Variants in CCNE2 observed in about 807,000 individuals in gnomAD.
CCNE2 encodes the protein G1/S-specific cyclin-E2.
A neutral mutation model predicts 56.8 loss-of-function variants in CCNE2; 18 were observed. That is an observed-to-expected ratio of 0.32 (90% CI 0.22 to 0.47). The LOEUF is 0.47. CCNE2 is among the 20% of genes least tolerant of loss of function. The pLI is 1.00. For missense variants in CCNE2, 371 were observed against 467.1 expected (o/e 0.79, Z 1.90); for synonymous variants, 139 against 149.2 (o/e 0.93, Z 0.50).
At position 94,881,025 on chromosome 8, in the gene CCNE2, T is replaced by G. The variant is rs183676809; in HGVS notation, c.*607A>C. 7.8e-5 allele frequency: 31 copies of G among 398,560 alleles called. No individual in the cohort carries two copies. Among genetic ancestry groups the G allele is most frequent in the African/African-American group, 5.8e-4 (28 of 48,634 alleles). The allele number at this position is 398,560 out of a possible 1,614,324, so 24.7% of individuals were successfully genotyped here. On this transcript the variant is annotated 3_prime_UTR_variant, in exon 12 of 12. Transcript: ENST00000308108. ...GCCTTATTAGTTAAAAAATGTGTTA[T>G]GGCAAGGCAAATAAACTAGTTTAAA...
chr8:94,890,386 C>A, intron 6 of CCNE2, 29 bp downstream of exon 6: 7 of 1,532,642 alleles, frequency 4.6e-6, no homozygotes, highest in Non-Finnish European at 6.1e-6. Context: ...CATACAGAGA[C>A]AAAGGAAATT....
chr8:94,887,364 G>GCC (rs1278745090), intron 7 of CCNE2, among the ~76,000 whole-genome samples: 1 of 152,120 alleles, frequency 6.6e-6, no homozygotes, highest in Non-Finnish European at 1.5e-5. Context: ...AATCAGCTGG[G>GCC]CGTGGTGGCA....
At position 94,880,243 on chromosome 8, in the gene CCNE2, A is replaced by AT; in HGVS notation, c.*1388dup. ...CAAAACTTTACTTTTAAGCAGTTAA[A>AT]TTTTTTTAACTTTTATTTTTTAAAC... is the stretch of plus-strand genomic sequence containing the variant. On this transcript the variant is annotated 3_prime_UTR_variant, in exon 12 of 12. Transcript: ENST00000308108. 2 of 1,504,510 alleles carry AT rather than the reference A, an allele frequency of 1.3e-6. No individual in the cohort carries two copies. Among genetic ancestry groups the AT allele is most frequent in the Non-Finnish European group, 1.8e-6 (2 of 1,096,528 alleles). The allele number at this position is 1,504,510 out of a possible 1,614,324, so 93.2% of individuals were successfully genotyped here. A position where few individuals can be genotyped will look rare whatever the true frequency, so the allele number is the denominator to read the frequency against.
intron 9 of CCNE2, chr8:94,883,814 G>A (rs1333497227): frequency 2.2e-6 from 1 of 452,906 alleles, no homozygotes; most frequent in Non-Finnish European, 4.5e-6. Flanking sequence ...ATGGTATAGT[G>A]TAAAAGGGGT....
intron 10 of CCNE2, 32 bp downstream of exon 10, chr8:94,882,749 A>G (rs111512733): frequency 1.4e-6 from 2 of 1,404,126 alleles, no homozygotes; most frequent in South Asian, 2.3e-5. Flanking sequence ...AAGTTGTGAA[A>G]AGGTAAGAAG....
chr8:94,894,811 A>G (rs1487169621), intron 1 of CCNE2, among the ~76,000 whole-genome samples: 3 of 152,136 alleles, frequency 2.0e-5, no homozygotes, highest in Non-Finnish European at 4.4e-5. Context: ...CCAACTCCAG[A>G]TGGGAAGCGG....
Position 94,882,255 on chromosome 8 carries a change from A to G in CCNE2, c.978T>C (p.Asp326=), listed in dbSNP as rs753273433. ...LEWDSISECV[D]WMVPFVNVVK... ...CTACATTGACAAAAGGTACCATCCA[A>G]TCTACACATTCTGAAATACTGTCCC... Residue 326 remains aspartate (D), a synonymous_variant, in exon 11 of 12, where the codon GAT becomes GAC. Coordinates refer to ENST00000308108, the MANE Select transcript of CCNE2 (RefSeq NM_057749.3). 1.1e-5 allele frequency: 18 copies of G among 1,611,650 alleles called. No homozygotes were observed. The highest frequency in any genetic ancestry group is 1.1e-4 in the African/African-American group (8 of 74,848).
chr8:94,882,903 A>G lies in CCNE2; in HGVS notation c.832-11T>C, dbSNP rs373056688. 1.3e-6 allele frequency: 2 copies of G among 1,536,166 alleles called. No homozygotes were observed. Among genetic ancestry groups the G allele is most frequent in the African/African-American group, 2.7e-5 (2 of 73,396 alleles). The stretch of plus-strand genomic sequence containing the variant: ...ACACAGATCTAAAAGCTAACAGGAA[A>G]AACAAAAGTACAAGCAATTTAGGAG... On this transcript the variant is annotated splice_polypyrimidine_tract_variant and intron_variant, in intron 9 of 11. Transcript: ENST00000308108.
chr8:94,888,503 C>A (rs927830323), intron 6 of CCNE2, among the ~76,000 whole-genome samples: 1 of 151,788 alleles, frequency 6.6e-6, no homozygotes, highest in African/African-American at 2.4e-5. Flanking sequence ...TACCATTATC[C>A]CCATTTTGGA....
At chr8:94,881,865 T>C in intron 11 of CCNE2, 120 bp from the exon 12 acceptor site, 1 of 1,205,294 alleles carries the variant, frequency 8.3e-7, no homozygotes, top group Non-Finnish European at 1.2e-6. Context: ...TTTGCAAGTG[T>C]GAAGGGTCAT....
At chr8:94,892,786 C>T in intron 5 of CCNE2, 32 bp downstream of exon 5, 1 of 1,224,078 alleles carries the variant, frequency 8.2e-7, no homozygotes, top group Admixed American at 2.8e-5. Context: ...AACTTTATAT[C>T]TTTGAAATAA....
intron 5 of CCNE2, among the ~76,000 whole-genome samples, chr8:94,892,293 G>GA (rs1455647900): frequency 6.6e-6 from 1 of 152,162 alleles, no homozygotes; most frequent in African/African-American, 2.4e-5. Flanking sequence ...GGGAAAGGGG[G>GA]ATTGGTGAGT....
chr8:94,886,867 C>T (rs1817057936), intron 7 of CCNE2, among the ~76,000 whole-genome samples: 1 of 152,138 alleles, frequency 6.6e-6, no homozygotes, highest in African/African-American at 2.4e-5. Flanking sequence ...AGGTGTCTCC[C>T]ACATAGGAGA....
At position 94,881,913 on chromosome 8, in the gene CCNE2, C is replaced by CTCTT. The variant is rs1026275557; in HGVS notation, c.1102-172_1102-169dup. On this transcript the variant is annotated intron_variant, in intron 11 of 11. Transcript: ENST00000308108. ...TCTGTAACGTTATATATTTTTTAAA[C>CTCTT]TCTTTATCTAGACTGTTGGCATTGA... 42 of 899,710 alleles carry CTCTT rather than the reference C, an allele frequency of 4.7e-5. No homozygotes were observed. In the African/African-American group the frequency reaches 6.3e-4, roughly 13 times the overall value. The allele number at this position is 899,710 out of a possible 1,614,324, so 55.7% of individuals were successfully genotyped here. A position where few individuals can be genotyped will look rare whatever the true frequency, so the allele number is the denominator to read the frequency against.
intron 7 of CCNE2, 80 bp from the exon 8 acceptor site, chr8:94,885,638 C>T (rs1817009271): frequency 2.7e-6 from 2 of 736,280 alleles, no homozygotes; most frequent in Non-Finnish European, 4.4e-6. Context: ...AATGGGGTTA[C>T]ATCCCAATAA....
At position 94,882,800 on chromosome 8, in the gene CCNE2, T is replaced by C. The variant is rs1382520352; in HGVS notation, c.924A>G (p.Glu308=). 3 of 1,613,308 alleles carry C rather than the reference T, an allele frequency of 1.9e-6. No homozygotes were observed. Among genetic ancestry groups the C allele is most frequent in the Non-Finnish European group, 2.5e-6 (3 of 1,179,336 alleles). The part of the protein sequence containing the change: ...AAALCHFTSI[E]VVKKASGLEW... ...TCTTACCTGAGGCTTTCTTAACCAC[T>C]TCAATGGAGGTAAAATGGCACAAGG... The change falls in exon 10 of 12, where the codon GAA becomes GAG. Residue 308 remains glutamate (E), a synonymous_variant. Coordinates refer to ENST00000308108, the MANE Select transcript of CCNE2 (RefSeq NM_057749.3).
intron 1 of CCNE2, among the ~76,000 whole-genome samples, chr8:94,894,855 G>A (rs534901036): frequency 6.8e-4 from 104 of 152,344 alleles, no homozygotes; most frequent in Non-Finnish European, 1.4e-3. Flanking sequence ...AGGAGCTAAA[G>A]AAAGGGGAGA....
At position 94,880,818 on chromosome 8, in the gene CCNE2, T is replaced by C; in HGVS notation, c.*814A>G. ...AGAGTAGTAAAGTGACTTCCTCATATAAATAGTTTGAAAGGGTACTTAAGT... is the reference window on the plus strand; with the variant it reads ...AGAGTAGTAAAGTGACTTCCTCATACAAATAGTTTGAAAGGGTACTTAAGT... On this transcript the variant is annotated 3_prime_UTR_variant, in exon 12 of 12. Transcript: ENST00000308108. The C allele has an allele frequency of 5.0e-6, 2 of 398,614 alleles. No individual in the cohort carries two copies. The highest frequency in any genetic ancestry group is 8.9e-6 in the Non-Finnish European group (2 of 225,810). 24.7% of individuals were successfully genotyped at this position (398,614 alleles called of 1,614,324 possible). A position where few individuals can be genotyped will look rare whatever the true frequency, so the allele number is the denominator to read the frequency against.
chr8:94,882,039 A>G, intron 11 of CCNE2, 93 bp downstream of exon 11: 1 of 1,250,156 alleles, frequency 8.0e-7, no homozygotes, highest in Non-Finnish European at 1.1e-6. Context: ...CTTTCCCCTG[A>G]AACTGCCTGA....
Sources: gnomAD v4.1 joint callset for allele counts (sites outside exome capture counted in the v4.1 genomes callset) on GRCh38, gnomAD v4.1.1 for gene constraint, MANE v1.5 for transcripts, NCBI Gene and HGNC (gene_info 2026-07-23, HGNC 2026-07-21) for gene names.